SLC7A11: variants seen among roughly 807,000 people sequenced by gnomAD.
SLC7A11 encodes the protein cystine/glutamate transporter.
SLC7A11 carries 35 observed loss-of-function variants against 54.5 expected under a neutral mutation model. The ratio of observed to expected loss-of-function variants is 0.64; its 90% CI spans 0.49 to 0.85. The LOEUF (loss-of-function observed/expected upper bound fraction) is 0.85. SLC7A11 is among the 40% of genes least tolerant of loss of function. The pLI is 0.00. For missense variants in SLC7A11, 583 were observed against 618.1 expected (o/e 0.94, Z 0.60); for synonymous variants, 230 against 225.2 (o/e 1.02, Z -0.19).
intron 3 of SLC7A11, among the ~76,000 whole-genome samples, chr4:138,230,413 T>A (rs1237966620): frequency 1.3e-4 from 19 of 141,422 alleles, no homozygotes; most frequent in East Asian, 2.1e-4. Context: ...AAATGAAAGC[T>A]AAAAAAAAAA....
Position 138,200,320 on chromosome 4 carries a change from T to C in SLC7A11, c.791+14265A>G, listed in dbSNP as rs185852998. Among the ~76,000 whole-genome samples, 3 of 152,288 alleles carry C rather than the reference T, an allele frequency of 2.0e-5. No individual in the cohort carries two copies. The East Asian group carries it at 5.8e-4, about 29-fold the overall frequency. On this transcript the variant is annotated intron_variant, in intron 6 of 11. Coordinates refer to ENST00000280612, the MANE Select transcript of SLC7A11 (RefSeq NM_014331.4). ...TTCAGCATTTCCTAATTGTAAACTTTCTATTTTAATCTTCTAACCAAATGA... is the reference window on the plus strand; with the variant it reads ...TTCAGCATTTCCTAATTGTAAACTTCCTATTTTAATCTTCTAACCAAATGA...
At chr4:138,183,341 G>T in intron 7 of SLC7A11, 36 bp from the exon 8 acceptor site, 1 of 1,384,538 alleles carries the variant, frequency 7.2e-7, no homozygotes, top group Non-Finnish European at 1.0e-6. Flanking sequence ...TTAATGCCTT[G>T]CCAGAAAGTG....
At chr4:138,180,898 C>G in intron 9 of SLC7A11, 108 bp from the exon 10 acceptor site, 2 of 948,364 alleles carry the variant, frequency 2.1e-6, no homozygotes, top group Non-Finnish European at 3.1e-6. Context: ...TTATTTATAC[C>G]GATAAATTAT....
At chr4:138,186,456 A>G (rs1736883195) in intron 6 of SLC7A11, among the ~76,000 whole-genome samples, 1 of 152,174 alleles carries the variant, frequency 6.6e-6, no homozygotes, top group Non-Finnish European at 1.5e-5. Flanking sequence ...AAAACATGCT[A>G]GCCTAGCCAG....
At chr4:138,227,523 C>T (rs920293809) in intron 3 of SLC7A11, among the ~76,000 whole-genome samples, 7 of 151,968 alleles carry the variant, frequency 4.6e-5, no homozygotes, top group Non-Finnish European at 7.4e-5. Context: ...GTTATTTAAT[C>T]CTCATATCTC....
intron 9 of SLC7A11, among the ~76,000 whole-genome samples, chr4:138,181,500 C>T (rs531298128): frequency 2.0e-5 from 3 of 152,042 alleles, no homozygotes; most frequent in East Asian, 1.9e-4. Context: ...CCACAAGTGA[C>T]GTTAACATCC....
intron 2 of SLC7A11, among the ~76,000 whole-genome samples, chr4:138,235,586 GCACAT>G (rs1469504318): frequency 6.6e-6 from 1 of 152,120 alleles, no homozygotes; most frequent in Non-Finnish European, 1.5e-5. Context: ...ATCAGACTGT[GCACAT>G]CACATTTTAT....
chr4:138,193,352 T>C (rs993967904), intron 6 of SLC7A11, among the ~76,000 whole-genome samples: 6 of 152,198 alleles, frequency 3.9e-5, no homozygotes. Flanking sequence ...TTCAACCAGA[T>C]GAGTCCTCTC....
chr4:138,192,717 C>T (rs946974401), intron 6 of SLC7A11, among the ~76,000 whole-genome samples: 1 of 151,944 alleles, frequency 6.6e-6, no homozygotes, highest in South Asian at 2.1e-4. Context: ...ATTACAATAT[C>T]AAATAAAAAC....
At chr4:138,233,133 T>C (rs980728275) in intron 2 of SLC7A11, among the ~76,000 whole-genome samples, 12 of 152,066 alleles carry the variant, frequency 7.9e-5, no homozygotes, top group Non-Finnish European at 1.3e-4. Flanking sequence ...GATGTATGTA[T>C]ATATGAATGC....
intron 11 of SLC7A11, among the ~76,000 whole-genome samples, chr4:138,173,389 C>A (rs1368103942): frequency 6.6e-6 from 1 of 151,986 alleles, no homozygotes; most frequent in African/African-American, 2.4e-5. Context: ...AATCCCAGCA[C>A]TTTGGGAGGC....
chr4:138,237,730 T>TAC (rs1560742645), intron 1 of SLC7A11, among the ~76,000 whole-genome samples: 4 of 12,816 alleles, frequency 3.1e-4, no homozygotes, highest in Non-Finnish European at 5.7e-4. Flanking sequence ...TATATATATA[T>TAC]ATATATATTT....
rs372097728 is a variant in SLC7A11 at position 138,214,653 on chromosome 4, A to T, written c.747-24T>A. ...ACCTAAAAATAGATAAATAAATTATAAACTATTAATATATTTTACCATTAT... is the reference window on the plus strand; with the variant it reads ...ACCTAAAAATAGATAAATAAATTATTAACTATTAATATATTTTACCATTAT... On this transcript the variant is annotated intron_variant, in intron 5 of 11. Transcript: ENST00000280612. 4.4e-6 allele frequency: 4 copies of T among 917,310 alleles called. No homozygotes were observed. In the African/African-American group the frequency reaches 5.3e-5, roughly 12 times the overall value. The allele number at this position is 917,310 out of a possible 1,614,324, so 56.8% of individuals were successfully genotyped here. A position where few individuals can be genotyped will look rare whatever the true frequency, so the allele number is the denominator to read the frequency against.
At position 138,170,236 on chromosome 4, in the gene SLC7A11, G is replaced by C. The variant is rs1365590469; in HGVS notation, c.*1720C>G. On this transcript the variant is annotated 3_prime_UTR_variant, in exon 12 of 12. Coordinates refer to ENST00000280612, the MANE Select transcript of SLC7A11 (RefSeq NM_014331.4). Reference sequence around the variant, plus strand: ...ATATATATATATATATATAAAAAGTGTGTGTGTGTGTGTGTATATATATAT... The same window carrying C: ...ATATATATATATATATATAAAAAGTCTGTGTGTGTGTGTGTATATATATAT... 1 of 54,236 alleles carries C rather than the reference G, an allele frequency of 1.8e-5. No homozygotes were observed. The highest frequency in any genetic ancestry group is 5.7e-5 in the African/African-American group (1 of 17,616). 3.4% of individuals were successfully genotyped at this position (54,236 alleles called of 1,614,324 possible). A position where few individuals can be genotyped will look rare whatever the true frequency, so the allele number is the denominator to read the frequency against.
rs1736847101 is a variant in SLC7A11, at chr4:138,185,222, T to C, written c.814A>G (p.Ile272Val). 2.5e-6 allele frequency: 4 copies of C among 1,612,670 alleles called. No homozygotes were observed. In the African/African-American group the frequency reaches 4.0e-5, roughly 16 times the overall value. Residue 272 changes from isoleucine to valine, a missense_variant, in exon 7 of 12, where the codon ATA (isoleucine) becomes GTA (valine). Transcript: ENST00000280612. Reference sequence around the variant, plus strand: ...CCAATGGTGACAATGGCCATGGATATACATATTGCAAGGGGAATGGTTCTG... The same window carrying C: ...CCAATGGTGACAATGGCCATGGATACACATATTGCAAGGGGAATGGTTCTG... ...PEKTIPLAIC[I>V]SMAIVTIGYV...
Position 138,179,234 on chromosome 4 carries a change from C to A in SLC7A11, c.1427G>T (p.Trp476Leu). ...ATTCTTACCCGACATTATTCTAAAC[C>A]ACCTGGGTTTCTTGTCCCATATAAT... ...LFIIWDKKPR[W>L]FRIMSEKITR... The change falls in exon 11 of 12, where the codon TGG (tryptophan) becomes TTG (leucine). Residue 476 changes from tryptophan to leucine, a missense_variant. Physicochemically the swap from Trp to Leu is moderately conservative, Grantham distance 61. Coordinates refer to ENST00000280612, the MANE Select transcript of SLC7A11 (RefSeq NM_014331.4). 1 of 1,609,612 alleles carries A rather than the reference C, an allele frequency of 6.2e-7. No individual in the cohort carries two copies. The highest frequency in any genetic ancestry group is 1.1e-5 in the South Asian group (1 of 90,920).
rs929284607 is a variant in SLC7A11 at position 138,169,879 on chromosome 4, C to T, written c.*2077G>A. 2.6e-5 allele frequency: 4 copies of T among 152,054 alleles called. No individual in the cohort carries two copies. Among genetic ancestry groups the T allele is most frequent in the African/African-American group, 7.2e-5 (3 of 41,508 alleles). 9.4% of individuals were successfully genotyped at this position (152,054 alleles called of 1,614,324 possible). Reference sequence around the variant, plus strand: ...AGGAAGGAAGGAGTTATTATAAATTCACTCAGAGACCCAAACGTTAGGTTC... The same window carrying T: ...AGGAAGGAAGGAGTTATTATAAATTTACTCAGAGACCCAAACGTTAGGTTC... On this transcript the variant is annotated 3_prime_UTR_variant, in exon 12 of 12. Coordinates refer to ENST00000280612, the MANE Select transcript of SLC7A11 (RefSeq NM_014331.4).
At chr4:138,202,948 C>T (rs927554998) in intron 6 of SLC7A11, among the ~76,000 whole-genome samples, 7 of 152,008 alleles carry the variant, frequency 4.6e-5, no homozygotes, top group African/African-American at 1.4e-4. Flanking sequence ...CTTATACCTG[C>T]CCTTCACTTA....
chr4:138,209,558 A>G (rs1009382404), intron 6 of SLC7A11, among the ~76,000 whole-genome samples: 1 of 152,056 alleles, frequency 6.6e-6, no homozygotes, highest in African/African-American at 2.4e-5. Context: ...ACAAAAACCA[A>G]TGTACAAAAA....
Sources: allele counts gnomAD v4.1 joint callset (sites outside exome capture counted in the v4.1 genomes callset), GRCh38; gene constraint gnomAD v4.1.1; transcripts MANE v1.5; gene names NCBI Gene and HGNC (gene_info 2026-07-23, HGNC 2026-07-21).